Variants in HNRNPLL observed in about 807,000 individuals in gnomAD.
The protein encoded by HNRNPLL is heterogeneous nuclear ribonucleoprotein L-like.
In HNRNPLL, 25 loss-of-function variants were observed where a neutral mutation model predicts 67.1. That is an observed-to-expected ratio of 0.37 (90% CI 0.27 to 0.52). HNRNPLL has a LOEUF of 0.52. Ranked by LOEUF, HNRNPLL falls within the 20% of genes least tolerant of loss-of-function variation. HNRNPLL has a pLI of 0.90. For missense variants in HNRNPLL, 542 were observed against 673.9 expected, an observed-to-expected ratio of 0.80 and a Z score of 2.17; for synonymous variants, 267 against 241.7, an observed-to-expected ratio of 1.10 and a Z score of -0.97.
At chr2:38,588,888 AC>A (rs1479212829) in intron 2 of HNRNPLL, among the ~76,000 whole-genome samples, 5 of 152,300 alleles carry the variant, frequency 3.3e-5, no homozygotes, top group African/African-American at 1.2e-4. Flanking sequence ...GTGGGAGATC[AC>A]AGAGAGAAAA....
chr2:38,586,025 CTTT>C lies in HNRNPLL; in HGVS notation c.309-147_309-145del, dbSNP rs202149774. 3.0e-3 allele frequency: 1,598 copies of C among 538,180 alleles called. 8 individuals are homozygous for C. The highest frequency in any genetic ancestry group is 0.01 in the South Asian group (467 of 45,006). 33.3% of individuals were successfully genotyped at this position (538,180 alleles called of 1,614,324 possible). A position where few individuals can be genotyped will look rare whatever the true frequency, so the allele number is the denominator to read the frequency against. On this transcript the variant is annotated intron_variant, in intron 2 of 12. Coordinates refer to ENST00000449105, the MANE Select transcript of HNRNPLL (RefSeq NM_138394.4). ...ACTACCTGTGTCCAACGTAAGTCAA[CTTT>C]TTTTTTTTTTTGAGACGGAGTCTTT...
At chr2:38,584,167 T>C (rs1349934950) in intron 3 of HNRNPLL, among the ~76,000 whole-genome samples, 1 of 152,074 alleles carries the variant, frequency 6.6e-6, no homozygotes, top group Non-Finnish European at 1.5e-5. Context: ...GCTGAAACGA[T>C]CTCCCGCCTC....
chr2:38,591,697 C>T (rs767889775), intron 1 of HNRNPLL, 49 bp from the exon 2 acceptor site: 17 of 1,236,880 alleles, frequency 1.4e-5, no homozygotes, highest in Non-Finnish European at 1.9e-5. Flanking sequence ...AGTCTAAGGC[C>T]GAACGCGGTG....
chr2:38,602,363 G>T, intron 1 of HNRNPLL, 75 bp downstream of exon 1: 1 of 1,395,050 alleles, frequency 7.2e-7, no homozygotes, highest in Non-Finnish European at 9.7e-7. Flanking sequence ...TGAAGCAAGC[G>T]GGAGGCCCCG....
chr2:38,590,510 A>G (rs1027289328), intron 2 of HNRNPLL, among the ~76,000 whole-genome samples: 2 of 152,228 alleles, frequency 1.3e-5, no homozygotes, highest in African/African-American at 4.8e-5. Context: ...ACGCTAGATT[A>G]TCTATACTAA....
In HNRNPLL at chr2:38,569,746, A is replaced by T. The variant is rs1665999462; in HGVS notation, c.1214+58T>A. 2.1e-5 allele frequency: 20 copies of T among 966,158 alleles called. No homozygotes were observed. In the South Asian group the frequency reaches 3.7e-4, roughly 18 times the overall value. The allele number at this position is 966,158 out of a possible 1,614,324, so 59.8% of individuals were successfully genotyped here. A position where few individuals can be genotyped will look rare whatever the true frequency, so the allele number is the denominator to read the frequency against. On this transcript the variant is annotated intron_variant, in intron 9 of 12. Coordinates refer to ENST00000449105, the MANE Select transcript of HNRNPLL (RefSeq NM_138394.4). ...CAAGTTGACATTAATGTCTCTAATA[A>T]AAAGGACAAAGATTTTTAAATATTT... is the stretch of plus-strand genomic sequence containing the variant.
At chr2:38,602,315 G>A (rs1034199646) in intron 1 of HNRNPLL, 123 bp downstream of exon 1, 12 of 879,862 alleles carry the variant, frequency 1.4e-5, no homozygotes, top group Admixed American at 8.9e-5. Flanking sequence ...AAGAGTGGGC[G>A]CTTCCCCAAA....
At chr2:38,566,177 G>T in intron 12 of HNRNPLL, 1 of 635,140 alleles carries the variant, frequency 1.6e-6, no homozygotes, top group Non-Finnish European at 2.0e-6. Flanking sequence ...AGACCAGCCT[G>T]GCCAACGTGG....
In HNRNPLL at chr2:38,585,948, T is replaced by C. The variant is rs116332894; in HGVS notation, c.309-67A>G. The C allele has an allele frequency of 0.019, 18,363 of 953,890 alleles. 237 individuals carry two copies. The highest frequency in any genetic ancestry group is 0.024 in the Non-Finnish European group (14,302 of 590,906). The allele number at this position is 953,890 out of a possible 1,614,324, so 59.1% of individuals were successfully genotyped here. A position where few individuals can be genotyped will look rare whatever the true frequency, so the allele number is the denominator to read the frequency against. On this transcript the variant is annotated intron_variant, in intron 2 of 12. Coordinates refer to ENST00000449105, the MANE Select transcript of HNRNPLL (RefSeq NM_138394.4). Reference sequence around the variant, plus strand: ...TTCCGTTAACATTATTTGTCCTCAATTAAGTAAAAGCAGACTTTAATAAAA... The same window carrying C: ...TTCCGTTAACATTATTTGTCCTCAACTAAGTAAAAGCAGACTTTAATAAAA...
At chr2:38,564,933 G>A in intron 12 of HNRNPLL, among the ~76,000 whole-genome samples, 1 of 150,248 alleles carries the variant, frequency 6.7e-6, no homozygotes. Context: ...ATCCCAAAAG[G>A]TTCCAGGAAA....
At chr2:38,571,584 A>C (rs1450736625) in intron 8 of HNRNPLL, among the ~76,000 whole-genome samples, 1 of 152,156 alleles carries the variant, frequency 6.6e-6, no homozygotes, top group South Asian at 2.1e-4. Flanking sequence ...TTTCAGCTTT[A>C]TTTGAAATCT....
chr2:38,592,480 T>C (rs771611848), intron 1 of HNRNPLL, among the ~76,000 whole-genome samples: 36 of 152,216 alleles, frequency 2.4e-4, no homozygotes, highest in Non-Finnish European at 3.5e-4. Context: ...ATTAAACACA[T>C]GACAACTTAA....
intron 6 of HNRNPLL, among the ~76,000 whole-genome samples, chr2:38,578,869 A>G (rs1462095705): frequency 6.6e-6 from 1 of 152,062 alleles, no homozygotes; most frequent in Non-Finnish European, 1.5e-5. Flanking sequence ...AGAAGTTATT[A>G]TGACTGTCCC....
rs1214589397 is a variant in HNRNPLL at position 38,585,789 on chromosome 2, T to C, written c.401A>G (p.Glu134Gly). ...AKECVTFAAD[E>G]PVYIAGQQAF... The stretch of plus-strand genomic sequence containing the variant: ...CTGTTGACCAGCAATGTACACGGGT[T>C]CATCTGCAGCAAATGTCACACATTC... The change falls in exon 3 of 13, where the codon GAA (glutamate) becomes GGA (glycine). Residue 134 changes from glutamate to glycine, a missense_variant. Glu to Gly is a moderately conservative substitution (Grantham distance 98, BLOSUM62 -2). Coordinates refer to ENST00000449105, the MANE Select transcript of HNRNPLL (RefSeq NM_138394.4). 6.2e-7 allele frequency: 1 copy of C among 1,613,938 alleles called. No individual in the cohort carries two copies. The highest frequency in any genetic ancestry group is 1.1e-5 in the South Asian group (1 of 91,082).
intron 2 of HNRNPLL, among the ~76,000 whole-genome samples, chr2:38,586,696 A>G (rs1666748807): frequency 6.6e-6 from 1 of 152,216 alleles, no homozygotes; most frequent in Non-Finnish European, 1.5e-5. Flanking sequence ...AAGTTCATAT[A>G]AATAATCTCC....
intron 1 of HNRNPLL, among the ~76,000 whole-genome samples, chr2:38,596,378 C>A (rs938117717): frequency 6.6e-6 from 1 of 151,870 alleles, no homozygotes; most frequent in Non-Finnish European, 1.5e-5. Flanking sequence ...CCTGCCTCAG[C>A]CTCCCGACTA....
chr2:38,595,564 G>A (rs985924742), intron 1 of HNRNPLL, among the ~76,000 whole-genome samples: 1 of 152,160 alleles, frequency 6.6e-6, no homozygotes, highest in African/African-American at 2.4e-5. Context: ...GACAATGTGG[G>A]CCGGGCGCAG....
intron 2 of HNRNPLL, 141 bp downstream of exon 2, chr2:38,591,387 TAC>T: frequency 1.6e-6 from 1 of 625,546 alleles, no homozygotes; most frequent in East Asian, 2.8e-5. Flanking sequence ...TCCAAAGAAA[TAC>T]AGTCATAGGC....
At chr2:38,593,117 C>A (rs1667027179) in intron 1 of HNRNPLL, among the ~76,000 whole-genome samples, 1 of 152,210 alleles carries the variant, frequency 6.6e-6, no homozygotes, top group Non-Finnish European at 1.5e-5. Context: ...CTAATTCTAT[C>A]CTTGGAATTT....
Sources: allele counts gnomAD v4.1 joint callset (sites outside exome capture counted in the v4.1 genomes callset), GRCh38; gene constraint gnomAD v4.1.1; transcripts MANE v1.5; gene names NCBI Gene and HGNC (gene_info 2026-07-23, HGNC 2026-07-21).